SLC25A20: variants seen among roughly 807,000 people sequenced by gnomAD.
SLC25A20 encodes the protein mitochondrial carnitine/acylcarnitine carrier protein.
In SLC25A20, 29 loss-of-function variants were observed where a neutral mutation model predicts 39.7. The observed-to-expected ratio is 0.73, with a 90% CI of 0.54 to 1.00. The LOEUF (loss-of-function observed/expected upper bound fraction) is 1.00, where lower values mean the gene tolerates loss of function less well. Ranked by LOEUF, SLC25A20 falls within the 50% of genes least tolerant of loss-of-function variation. The pLI, the probability that SLC25A20 is intolerant of heterozygous loss-of-function variation, is 0.00. For synonymous variants in SLC25A20, 103 were observed against 142.2 expected (o/e 0.72, Z 1.96); for missense variants, 333 against 379.9 (o/e 0.88, Z 1.03).
chr3:48,890,478 C>T (rs1225600129), intron 2 of SLC25A20, among the ~76,000 whole-genome samples: 1 of 151,508 alleles, frequency 6.6e-6, no homozygotes, highest in African/African-American at 2.4e-5. Flanking sequence ...CATGAGCCAC[C>T]GCGCCCGGCC....
intron 4 of SLC25A20, among the ~76,000 whole-genome samples, chr3:48,870,225 C>G (rs2083703374): frequency 6.6e-6 from 1 of 152,106 alleles, no homozygotes; most frequent in Non-Finnish European, 1.5e-5. Flanking sequence ...CATGGTGAAA[C>G]CCAATCTCTA....
At chr3:48,892,178 T>A (rs2083882514) in intron 1 of SLC25A20, 106 bp from the exon 2 acceptor site, 9 of 839,650 alleles carry the variant, frequency 1.1e-5, no homozygotes, top group Non-Finnish European at 1.7e-5. Context: ...TGTACCCTTG[T>A]ACATGTCTTT....
chr3:48,890,480 C>T (rs1229361811), intron 2 of SLC25A20, among the ~76,000 whole-genome samples: 1 of 151,702 alleles, frequency 6.6e-6, no homozygotes, highest in African/African-American at 2.4e-5. Flanking sequence ...TGAGCCACCG[C>T]GCCCGGCCTG....
intron 3 of SLC25A20, among the ~76,000 whole-genome samples, chr3:48,882,673 G>C (rs1317003700): frequency 6.6e-6 from 1 of 151,986 alleles, no homozygotes; most frequent in Non-Finnish European, 1.5e-5. Context: ...GCCTGGGCAA[G>C]ATAATGAGAG....
At chr3:48,877,043 C>A (rs1260015953) in intron 4 of SLC25A20, among the ~76,000 whole-genome samples, 1 of 152,008 alleles carries the variant, frequency 6.6e-6, no homozygotes, top group Non-Finnish European at 1.5e-5. Context: ...TTGCAGTGAG[C>A]CGAAATCATA....
chr3:48,888,860 G>A (rs1377038298), intron 2 of SLC25A20, among the ~76,000 whole-genome samples: 1 of 152,106 alleles, frequency 6.6e-6, no homozygotes, highest in African/African-American at 2.4e-5. Context: ...GCTGAGGCGG[G>A]TGGATCATGA....
At chr3:48,898,550 T>C in intron 1 of SLC25A20, 140 bp downstream of exon 1, 3 of 868,060 alleles carry the variant, frequency 3.5e-6, no homozygotes, top group African/African-American at 1.7e-5. Context: ...TGCCCACCCC[T>C]GAAAGAGAGA....
intron 4 of SLC25A20, among the ~76,000 whole-genome samples, chr3:48,875,805 T>C (rs550184718): frequency 6.6e-6 from 1 of 152,176 alleles, no homozygotes; most frequent in African/African-American, 2.4e-5. Flanking sequence ...TCGCTTGAGC[T>C]CAGGAGTTTC....
At chr3:48,883,135 C>T (rs910768545) in intron 3 of SLC25A20, among the ~76,000 whole-genome samples, 3 of 151,930 alleles carry the variant, frequency 2.0e-5, no homozygotes, top group African/African-American at 7.3e-5. Flanking sequence ...GTGGAGCTTA[C>T]AGTGAGCCGA....
chr3:48,879,299 T>G (rs2083783355), intron 4 of SLC25A20, 59 bp downstream of exon 4: 1 of 1,255,106 alleles, frequency 8.0e-7, no homozygotes, highest in Non-Finnish European at 1.2e-6. Context: ...GACATAAACA[T>G]GCACACGAAA....
intron 2 of SLC25A20, among the ~76,000 whole-genome samples, chr3:48,891,117 C>T (rs1427500601): frequency 6.6e-6 from 1 of 152,136 alleles, no homozygotes; most frequent in Non-Finnish European, 1.5e-5. Flanking sequence ...ATGGGGAAAA[C>T]ATCCGCTAAG....
chr3:48,882,115 G>T (rs538921474), intron 3 of SLC25A20, among the ~76,000 whole-genome samples: 1 of 152,282 alleles, frequency 6.6e-6, no homozygotes, highest in East Asian at 1.9e-4. Flanking sequence ...CCTCCCAGGG[G>T]CTGGCATCCT....
At chr3:48,898,308 C>T (rs1431707490) in intron 1 of SLC25A20, among the ~76,000 whole-genome samples, 2 of 152,252 alleles carry the variant, frequency 1.3e-5, no homozygotes, top group Non-Finnish European at 2.9e-5. Flanking sequence ...CTTTAGTTGT[C>T]TTCCTGGGGC....
intron 2 of SLC25A20, among the ~76,000 whole-genome samples, chr3:48,886,583 T>G (rs1373917334): frequency 1.3e-5 from 2 of 151,892 alleles, no homozygotes; most frequent in Non-Finnish European, 2.9e-5. Flanking sequence ...ATGTATATTA[T>G]GTAGATAGGT....
At chr3:48,874,101 G>A (rs2083737684) in intron 4 of SLC25A20, among the ~76,000 whole-genome samples, 1 of 151,946 alleles carries the variant, frequency 6.6e-6, no homozygotes, top group African/African-American at 2.4e-5. Flanking sequence ...AGACCAGCCT[G>A]GCCAACATGG....
chr3:48,881,004 C>T (rs1288307777), intron 3 of SLC25A20, among the ~76,000 whole-genome samples: 1 of 152,198 alleles, frequency 6.6e-6, no homozygotes, highest in Non-Finnish European at 1.5e-5. Flanking sequence ...TCCTAAGCTT[C>T]GGTGCACTCT....
intron 3 of SLC25A20, among the ~76,000 whole-genome samples, chr3:48,879,964 G>A (rs567483128): frequency 6.6e-6 from 1 of 152,258 alleles, no homozygotes; most frequent in South Asian, 2.1e-4. Flanking sequence ...GATTCAAGCA[G>A]GACAGCTTCA....
chr3:48,894,183 T>TTTTCTCTCTCTC (rs1553686976), intron 1 of SLC25A20, among the ~76,000 whole-genome samples: 1 of 110,276 alleles, frequency 9.1e-6, no homozygotes, highest in Non-Finnish European at 1.7e-5. Flanking sequence ...AAGAAGAAGA[T>TTTTCTCTCTCTC]TCTCTCTCTC....
At chr3:48,862,441 T>C in intron 5 of SLC25A20, 101 bp downstream of exon 5, 1 of 785,658 alleles carries the variant, frequency 1.3e-6, no homozygotes, top group Non-Finnish European at 2.3e-6. Context: ...GTGACATGCA[T>C]GGTGCCAAGG....
Sources: gnomAD v4.1 joint callset for allele counts (sites outside exome capture counted in the v4.1 genomes callset) on GRCh38, gnomAD v4.1.1 for gene constraint, MANE v1.5 for transcripts, NCBI Gene and HGNC (gene_info 2026-07-23, HGNC 2026-07-21) for gene names.